MTMR9: variants seen among roughly 807,000 people sequenced by gnomAD.
MTMR9 encodes myotubularin-related protein 9.
MTMR9 carries 39 observed loss-of-function variants against 69.5 expected under a neutral mutation model. That is an observed-to-expected ratio of 0.56 (90% CI 0.43 to 0.73). The LOEUF (loss-of-function observed/expected upper bound fraction) is 0.73, where lower values mean the gene tolerates loss of function less well. Ranked by LOEUF, MTMR9 falls within the 30% of genes least tolerant of loss-of-function variation. MTMR9 has a pLI of 0.00. For synonymous variants in MTMR9, 354 were observed against 240.8 expected (o/e 1.47, Z -4.35); for missense variants, 900 against 671.2 (o/e 1.34, Z -3.77).
the MTMR9 span, among the ~76,000 whole-genome samples, chr8:11,334,073 A>G: frequency 6.6e-6 from 1 of 152,114 alleles, no homozygotes; most frequent in African/African-American, 2.4e-5. Flanking sequence ...TTGCCATGGG[A>G]TGAGGCAGCA....
rs1263507542 is a variant in MTMR9 at position 11,295,261 on chromosome 8, C to A, written c.250C>A (p.Pro84Thr). The A allele has an allele frequency of 1.9e-6, 3 of 1,610,650 alleles. No individual in the cohort carries two copies. The East Asian group carries it at 6.7e-5, about 36-fold the overall frequency. The part of the protein sequence containing the change: ...KDFRIIQLDI[P>T]GMEECLNIAS... ...TTTTCGAATTATTCAGTTGGATATTCCTGGAATGGAGGAATGCTTGAATAT... is the reference window on the plus strand; with the variant it reads ...TTTTCGAATTATTCAGTTGGATATTACTGGAATGGAGGAATGCTTGAATAT... Residue 84 changes from proline to threonine, a missense_variant, in exon 2 of 10, where the codon CCT becomes ACT. Coordinates refer to ENST00000221086, the MANE Select transcript of MTMR9 (RefSeq NM_015458.4).
rs1001419423 is a variant in MTMR9 at position 11,300,060 on chromosome 8, C to G, written c.329C>G (p.Pro110Arg). The change falls in exon 3 of 10, where the codon CCT becomes CGT. Residue 110 changes from proline (P) to arginine (R), a missense_variant. Physicochemically the swap from Pro to Arg is moderately radical, Grantham distance 103 (BLOSUM62 -2). Coordinates refer to ENST00000221086, the MANE Select transcript of MTMR9 (RefSeq NM_015458.4). ...CTGGACTCCATCACTCTGATGTACC[C>G]TTTCTTTTACCGTCCTATGTTTGAA... ...STLDSITLMY[P>R]FFYRPMFEVI... 2 of 1,613,478 alleles carry G rather than the reference C, an allele frequency of 1.2e-6. No individual in the cohort carries two copies. Among genetic ancestry groups the G allele is most frequent in the African/African-American group, 1.3e-5 (1 of 74,880 alleles).
At chr8:11,306,818 T>G (rs568075677) in intron 5 of MTMR9, among the ~76,000 whole-genome samples, 2 of 152,300 alleles carry the variant, frequency 1.3e-5, no homozygotes, top group African/African-American at 2.4e-5. Context: ...AGTGAAACTT[T>G]GTTGTTACCT....
chr8:11,311,648 C>A (rs1800201969), intron 6 of MTMR9, among the ~76,000 whole-genome samples: 1 of 152,208 alleles, frequency 6.6e-6, no homozygotes, highest in African/African-American at 2.4e-5. Context: ...TTGATGGCTG[C>A]TGACTGATCA....
intron 2 of MTMR9, among the ~76,000 whole-genome samples, chr8:11,295,504 C>G (rs1208722670): frequency 6.7e-6 from 1 of 149,544 alleles, no homozygotes; most frequent in African/African-American, 2.4e-5. Flanking sequence ...GTGTTACTCA[C>G]GTTATATGAG....
Position 11,306,229 on chromosome 8 carries a change from G to T in MTMR9, c.631G>T (p.Gly211Trp), listed in dbSNP as rs771326753. The T allele has an allele frequency of 1.2e-6, 2 of 1,613,500 alleles. No homozygotes were observed. Among genetic ancestry groups the T allele is most frequent in the South Asian group, 1.1e-5 (1 of 91,032 alleles). ...TGGTCAGCCACTCACTGGTACAAAC[G>T]GGAGGAGGTGCAAGGAGGACGAGAA... is the stretch of plus-strand genomic sequence containing the variant. ...RSGQPLTGTN[G>W]RRCKEDEKLI... Residue 211 changes from glycine to tryptophan, a missense_variant, in exon 5 of 10, where the codon GGG (glycine) becomes TGG (tryptophan). By Grantham distance (184) the Gly-to-Trp change is radical. Transcript: ENST00000221086.
At chr8:11,330,296 G>A (rs531805187), downstream of MTMR9, among the ~76,000 whole-genome samples, 12 of 150,484 alleles carry the variant, frequency 8.0e-5, no homozygotes, top group African/African-American at 2.7e-4. Flanking sequence ...GGGAGGTGGG[G>A]GGTCAGCCCC....
chr8:11,329,399 A>C (rs1801100051), downstream of MTMR9, among the ~76,000 whole-genome samples: 1 of 152,146 alleles, frequency 6.6e-6, no homozygotes, highest in Admixed American at 6.5e-5. Context: ...ATCTCGGCTC[A>C]CTGCAACCTC....
At chr8:11,334,371 C>T in the MTMR9 span, among the ~76,000 whole-genome samples, 1 of 152,072 alleles carries the variant, frequency 6.6e-6, no homozygotes, top group African/African-American at 2.4e-5. Flanking sequence ...ACATCAATAA[C>T]AAAGGGCGTG....
rs1391672151 is a variant in MTMR9 at position 11,288,084 on chromosome 8, AAT to A, written c.182+3022_182+3023del. Among the ~76,000 whole-genome samples, 5 of 130,546 alleles carry A rather than the reference AAT, an allele frequency of 3.8e-5. No individual in the cohort carries two copies. In the East Asian group the frequency reaches 1.1e-3, roughly 27 times the overall value. 85.6% of individuals were successfully genotyped at this position (130,546 alleles called of 152,430 possible). ...AATATATATTATATTTCACCTATAT[AAT>A]ATATATAATTATTCACCTAATTATA... is the stretch of plus-strand genomic sequence containing the variant. On this transcript the variant is annotated intron_variant, in intron 1 of 9. Coordinates refer to ENST00000221086, the MANE Select transcript of MTMR9 (RefSeq NM_015458.4).
At chr8:11,320,748 G>T (rs1403720859) in intron 9 of MTMR9, 1 of 152,002 alleles carries the variant, frequency 6.6e-6, no homozygotes, top group Non-Finnish European at 1.5e-5. Flanking sequence ...TAAAAATAAA[G>T]ATAAAAATAA....
At chr8:11,321,000 A>G (rs970043518) in intron 9 of MTMR9, 7 of 160,648 alleles carry the variant, frequency 4.4e-5, no homozygotes, top group African/African-American at 1.7e-4. Flanking sequence ...GTGGAAAACT[A>G]TTTGCCCTTT....
the MTMR9 span, among the ~76,000 whole-genome samples, chr8:11,333,254 G>A: frequency 6.6e-6 from 1 of 152,164 alleles, no homozygotes. Flanking sequence ...AAAGTAGCAA[G>A]AGAATCAACT....
intron 1 of MTMR9, among the ~76,000 whole-genome samples, chr8:11,291,315 G>A (rs1010925143): frequency 6.6e-6 from 1 of 152,000 alleles, no homozygotes; most frequent in Non-Finnish European, 1.5e-5. Context: ...TAGGAGCTGA[G>A]GATATAGAAA....
At chr8:11,332,802 A>G (rs746953183), downstream of MTMR9, among the ~76,000 whole-genome samples, 11 of 152,114 alleles carry the variant, frequency 7.2e-5, no homozygotes, top group Admixed American at 5.2e-4. Flanking sequence ...AGGTTTCACT[A>G]TGTTGGCCAG....
At chr8:11,314,722 A>G (rs1179700000) in intron 6 of MTMR9, among the ~76,000 whole-genome samples, 1 of 152,228 alleles carries the variant, frequency 6.6e-6, no homozygotes, top group Non-Finnish European at 1.5e-5. Context: ...TTTTCCCAAG[A>G]GAATCTTATC....
intron 1 of MTMR9, among the ~76,000 whole-genome samples, chr8:11,286,009 G>A (rs1375843328): frequency 1.4e-5 from 2 of 143,544 alleles, no homozygotes; most frequent in African/African-American, 2.7e-5. Context: ...GCTGGAGTGC[G>A]GTGGCCAATC....
chr8:11,301,737 T>G (rs1799754556), intron 3 of MTMR9, among the ~76,000 whole-genome samples: 1 of 83,946 alleles, frequency 1.2e-5, no homozygotes, highest in African/African-American at 7.8e-5. Context: ...TTTTATAAGT[T>G]TTGTCTCAAA....
At chr8:11,303,587 G>C (rs1799829752) in intron 3 of MTMR9, among the ~76,000 whole-genome samples, 2 of 152,066 alleles carry the variant, frequency 1.3e-5, no homozygotes, top group South Asian at 4.1e-4. Flanking sequence ...AGGCTGGAGT[G>C]CAGTGGCGCT....
Sources: gnomAD v4.1 joint callset for allele counts (sites outside exome capture counted in the v4.1 genomes callset) on GRCh38, gnomAD v4.1.1 for gene constraint, MANE v1.5 for transcripts, NCBI Gene and HGNC (gene_info 2026-07-23, HGNC 2026-07-21) for gene names.